MARCHF8: variants seen among roughly 807,000 people sequenced by gnomAD.
MARCHF8 encodes the protein E3 ubiquitin-protein ligase MARCHF8.
MARCHF8 carries 40 observed loss-of-function variants against 51.6 expected under a neutral mutation model. The observed-to-expected ratio is 0.77, with a 90% CI of 0.60 to 1.01. MARCHF8 has a LOEUF of 1.01. MARCHF8 is among the 50% of genes least tolerant of loss of function. The probability of loss-of-function intolerance (pLI) is 0.00; values close to 1 mark genes in which losing one functional copy is unlikely to be tolerated. For missense variants in MARCHF8, 685 were observed against 708.6 expected (o/e 0.97, Z 0.38); for synonymous variants, 263 against 280.3 (o/e 0.94, Z 0.62).
intron 3 of MARCHF8, among the ~76,000 whole-genome samples, chr10:45,466,611 C>T (rs1842977707): frequency 6.6e-6 from 1 of 152,136 alleles, no homozygotes; most frequent in Non-Finnish European, 1.5e-5. Context: ...AGTCACCCTC[C>T]TCCCTTTTAT....
intron 2 of MARCHF8, among the ~76,000 whole-genome samples, chr10:45,490,306 T>C (rs1004286679): frequency 1.3e-5 from 2 of 152,242 alleles, no homozygotes; most frequent in Non-Finnish European, 2.9e-5. Context: ...TAAGTTTACA[T>C]GAGGTCAATA....
intron 2 of MARCHF8, among the ~76,000 whole-genome samples, chr10:45,497,275 T>C (rs571177993): frequency 6.6e-6 from 1 of 152,204 alleles, no homozygotes; most frequent in South Asian, 2.1e-4. Flanking sequence ...ATTATAAATA[T>C]ATAAGCACCT....
chr10:45,541,073 A>G (rs1351806996), intron 1 of MARCHF8, among the ~76,000 whole-genome samples: 9 of 152,246 alleles, frequency 5.9e-5, no homozygotes, highest in Non-Finnish European at 1.5e-5. Flanking sequence ...TACTTGGTAT[A>G]TACTCAAAGG....
chr10:45,565,929 A>G (rs1589182724), intron 1 of MARCHF8, among the ~76,000 whole-genome samples: 1 of 152,342 alleles, frequency 6.6e-6, no homozygotes, highest in East Asian at 1.9e-4. Flanking sequence ...TATTAAACCC[A>G]TGGCCAACAG....
At chr10:45,481,936 T>C (rs2042894501) in intron 3 of MARCHF8, among the ~76,000 whole-genome samples, 1 of 152,174 alleles carries the variant, frequency 6.6e-6, no homozygotes. Flanking sequence ...AAGGCTCCAT[T>C]AGAAAACTTA....
intron 2 of MARCHF8, among the ~76,000 whole-genome samples, chr10:45,503,465 GGCAGAGGTT>G (rs1241612829): frequency 1.3e-5 from 2 of 151,954 alleles, no homozygotes; most frequent in Non-Finnish European, 2.9e-5. Context: ...GAGCCCGGGA[GGCAGAGGTT>G]GCAGTGAGCC....
chr10:45,463,121 G>T lies in MARCHF8; in HGVS notation c.1088+30C>A, dbSNP rs1281988938. ...GGAGGTTCCTGATGCGAGCAGAGAT[G>T]GCTAGAATGGCACTTCCTGGCAAAC... On this transcript the variant is annotated intron_variant, in intron 5 of 7. Coordinates refer to ENST00000453424, the MANE Select transcript of MARCHF8 (RefSeq NM_001282866.2). The T allele has an allele frequency of 3.3e-6, 5 of 1,535,004 alleles. No homozygotes were observed. In the African/African-American group the frequency reaches 6.9e-5, roughly 21 times the overall value.
chr10:45,472,466 T>TAAA (rs1292166973), intron 3 of MARCHF8, among the ~76,000 whole-genome samples: 1 of 152,172 alleles, frequency 6.6e-6, no homozygotes, highest in African/African-American at 2.4e-5. Flanking sequence ...CTTAAACTCT[T>TAAA]AAAAATTACT....
rs539345054 is a variant in MARCHF8, at chr10:45,516,994, C to T, written c.102+16116G>A. 2.1e-4 allele frequency among the ~76,000 whole-genome samples: 32 copies of T among 152,308 alleles called. No individual in the cohort carries two copies. The South Asian group carries it at 6.6e-3, about 32-fold the overall frequency. ...GTACCTCCTTATTAACAGCCAGGCT[C>T]ACCCTTTGGCCTGCAGTATGTATGG... is the stretch of plus-strand genomic sequence containing the variant. On this transcript the variant is annotated intron_variant, in intron 2 of 7. Coordinates refer to ENST00000453424, the MANE Select transcript of MARCHF8 (RefSeq NM_001282866.2).
intron 3 of MARCHF8, among the ~76,000 whole-genome samples, chr10:45,474,922 C>G (rs911705859): frequency 1.3e-5 from 2 of 152,172 alleles, no homozygotes; most frequent in African/African-American, 4.8e-5. Flanking sequence ...ACAGAGGGAG[C>G]TGCCTGGAGA....
intron 2 of MARCHF8, among the ~76,000 whole-genome samples, chr10:45,507,151 C>A (rs755332286): frequency 6.6e-6 from 1 of 152,080 alleles, no homozygotes; most frequent in Non-Finnish European, 1.5e-5. Flanking sequence ...TAAAAGTTAT[C>A]AATAACATGT....
chr10:45,461,511 G>T, intron 5 of MARCHF8, 100 bp from the exon 6 acceptor site: 7 of 1,013,290 alleles, frequency 6.9e-6, no homozygotes, highest in Non-Finnish European at 8.1e-6. Flanking sequence ...ACTCAGAAAC[G>T]AACATTACAG....
intron 1 of MARCHF8, among the ~76,000 whole-genome samples, chr10:45,542,929 A>G (rs992793306): frequency 1.2e-4 from 18 of 152,224 alleles, no homozygotes; most frequent in Non-Finnish European, 2.1e-4. Context: ...AGAAAACTTC[A>G]CTTGACTCCT....
At chr10:45,544,354 G>A (rs903596219) in intron 1 of MARCHF8, among the ~76,000 whole-genome samples, 1 of 152,134 alleles carries the variant, frequency 6.6e-6, no homozygotes, top group African/African-American at 2.4e-5. Flanking sequence ...TATGACCCAG[G>A]AACTGCAGTC....
At chr10:45,574,810 C>T (rs552337904) in intron 1 of MARCHF8, among the ~76,000 whole-genome samples, 1 of 152,204 alleles carries the variant, frequency 6.6e-6, no homozygotes, top group South Asian at 2.1e-4. Flanking sequence ...CTTTCTCACA[C>T]CTGATGCATA....
chr10:45,547,142 A>C (rs958456459), intron 1 of MARCHF8, among the ~76,000 whole-genome samples: 1 of 152,258 alleles, frequency 6.6e-6, no homozygotes, highest in African/African-American at 2.4e-5. Context: ...AGCAATGCTG[A>C]AAATAAGTGG....
chr10:45,581,005 C>T (rs1252852292), intron 1 of MARCHF8, among the ~76,000 whole-genome samples: 1 of 152,032 alleles, frequency 6.6e-6, no homozygotes, highest in Admixed American at 6.6e-5. Context: ...AGAGCACAGT[C>T]AGGTAAGAGG....
chr10:45,504,072 G>C (rs1243912350), intron 2 of MARCHF8, among the ~76,000 whole-genome samples: 1 of 152,108 alleles, frequency 6.6e-6, no homozygotes, highest in Non-Finnish European at 1.5e-5. Flanking sequence ...ACAACCTTAT[G>C]AATACACTAA....
chr10:45,497,994 G>A (rs1451742403), intron 2 of MARCHF8, among the ~76,000 whole-genome samples: 1 of 152,134 alleles, frequency 6.6e-6, no homozygotes, highest in Non-Finnish European at 1.5e-5. Flanking sequence ...ATGGCAGCCT[G>A]AACAGACTAA....
Sources: gnomAD v4.1 joint callset for allele counts (sites outside exome capture counted in the v4.1 genomes callset) on GRCh38, gnomAD v4.1.1 for gene constraint, MANE v1.5 for transcripts, NCBI Gene and HGNC (gene_info 2026-07-23, HGNC 2026-07-21) for gene names.